ESRRG: variants seen among roughly 807,000 people sequenced by gnomAD.
The protein encoded by ESRRG is estrogen-related receptor gamma.
ESRRG carries 13 observed loss-of-function variants against 44.0 expected under a neutral mutation model. The ratio of observed to expected loss-of-function variants is 0.30; its 90% CI spans 0.19 to 0.47. The LOEUF (loss-of-function observed/expected upper bound fraction) is 0.47. Ranked by LOEUF, ESRRG falls within the 20% of genes least tolerant of loss-of-function variation. ESRRG has a pLI of 1.00. For missense variants in ESRRG, 395 were observed against 580.6 expected, an observed-to-expected ratio of 0.68 and a Z score of 3.29; for synonymous variants, 215 against 214.6, an observed-to-expected ratio of 1.00 and a Z score of -0.02.
intron 2 of ESRRG, among the ~76,000 whole-genome samples, chr1:216,845,058 ATTACC>A (rs2095719142): frequency 1.3e-5 from 2 of 152,064 alleles, no homozygotes; most frequent in South Asian, 4.1e-4. Context: ...CCTCTCCCTT[ATTACC>A]TTGTTTTATT....
intron 1 of ESRRG, among the ~76,000 whole-genome samples, chr1:216,984,386 T>C (rs1026774129): frequency 4.6e-5 from 7 of 152,228 alleles, no homozygotes; most frequent in Admixed American, 2.0e-4. Flanking sequence ...AAGGGTATTT[T>C]GGCAAAGGCT....
chr1:216,651,459 A>G (rs1296735393), intron 2 of ESRRG, among the ~76,000 whole-genome samples: 2 of 152,326 alleles, frequency 1.3e-5, no homozygotes, highest in East Asian at 3.9e-4. Flanking sequence ...TGGATTGTCA[A>G]TCCTGGATTT....
At chr1:216,693,650 A>G (rs1011100396) in intron 1 of ESRRG, among the ~76,000 whole-genome samples, 1 of 152,334 alleles carries the variant, frequency 6.6e-6, no homozygotes, top group Admixed American at 6.5e-5. Context: ...TAGTTGTTAT[A>G]CTGTATTGTT....
intron 1 of ESRRG, among the ~76,000 whole-genome samples, chr1:217,133,605 T>TTTTCTTTCTTTCTTTC (rs750071673): frequency 2.0e-4 from 20 of 98,412 alleles, no homozygotes; most frequent in South Asian, 8.2e-4. Flanking sequence ...TGTTTTCCTT[T>TTTTCTTTCTTTCTTTC]TTTCTTTCTT....
At chr1:216,995,950 G>A (rs2076320328) in intron 1 of ESRRG, among the ~76,000 whole-genome samples, 1 of 152,094 alleles carries the variant, frequency 6.6e-6, no homozygotes, top group African/African-American at 2.4e-5. Context: ...AGAGTGAGCT[G>A]TAATCTCCAC....
intron 1 of ESRRG, among the ~76,000 whole-genome samples, chr1:217,119,224 G>A (rs995909916): frequency 1.3e-5 from 2 of 152,174 alleles, no homozygotes; most frequent in Admixed American, 1.3e-4. Flanking sequence ...ATTTTAAGGT[G>A]TCCACATCCC....
intron 1 of ESRRG, among the ~76,000 whole-genome samples, chr1:217,053,979 T>C (rs537626840): frequency 2.7e-4 from 41 of 152,062 alleles, no homozygotes; most frequent in African/African-American, 9.4e-4. Context: ...CGTGGCGTTC[T>C]TTACAAAGCT....
intron 5 of ESRRG, among the ~76,000 whole-genome samples, chr1:216,558,360 C>T (rs1404169090): frequency 1.3e-5 from 2 of 152,230 alleles, no homozygotes; most frequent in South Asian, 4.1e-4. Flanking sequence ...TGGACTAAAT[C>T]GTTTAGACGC....
chr1:217,130,913 C>T (rs1003551246), intron 1 of ESRRG, among the ~76,000 whole-genome samples: 6 of 151,736 alleles, frequency 4.0e-5, no homozygotes, highest in East Asian at 1.9e-4. Flanking sequence ...ACTATTAAGA[C>T]GTTAGCAATA....
chr1:216,817,978 A>C (rs1251077128), intron 2 of ESRRG, among the ~76,000 whole-genome samples: 1 of 152,148 alleles, frequency 6.6e-6, no homozygotes, highest in African/African-American at 2.4e-5. Flanking sequence ...GATTTAAATA[A>C]GTTGTCTCCT....
chr1:216,960,244 A>G (rs1016287352), intron 1 of ESRRG, among the ~76,000 whole-genome samples: 3 of 152,156 alleles, frequency 2.0e-5, no homozygotes, highest in Non-Finnish European at 4.4e-5. Flanking sequence ...CATGTATATC[A>G]TATATGTAGG....
intron 3 of ESRRG, among the ~76,000 whole-genome samples, chr1:216,624,718 G>A (rs1574314582): frequency 6.6e-6 from 1 of 152,116 alleles, no homozygotes; most frequent in African/African-American, 2.4e-5. Context: ...CCAAATTCAA[G>A]CTTCAAATTT....
intron 1 of ESRRG, chr1:216,959,461 T>C (rs1355536516): frequency 4.0e-5 from 6 of 151,748 alleles, no homozygotes; most frequent in African/African-American, 1.5e-4. Flanking sequence ...GGAAGCCAAG[T>C]CAGGAAGATC....
intron 1 of ESRRG, among the ~76,000 whole-genome samples, chr1:217,081,218 A>ATTTTTTTT (rs1454943896): frequency 3.4e-4 from 11 of 32,710 alleles, no homozygotes; most frequent in African/African-American, 5.1e-4. Context: ...AGATAAAAAT[A>ATTTTTTTT]TTCTTTTTTT....
intron 3 of ESRRG, among the ~76,000 whole-genome samples, chr1:216,604,591 C>G (rs549271334): frequency 7.2e-5 from 11 of 152,260 alleles, no homozygotes; most frequent in African/African-American, 1.4e-4. Context: ...TAATAAGGGG[C>G]ATATAGGCTT....
intron 2 of ESRRG, among the ~76,000 whole-genome samples, chr1:216,857,199 T>C (rs1218065938): frequency 1.3e-5 from 2 of 152,016 alleles, no homozygotes; most frequent in East Asian, 1.9e-4. Flanking sequence ...GTGTCTGCTA[T>C]TGTTCACATG....
chr1:216,526,082 C>T (rs537160872), intron 5 of ESRRG, among the ~76,000 whole-genome samples: 3 of 152,046 alleles, frequency 2.0e-5, no homozygotes, highest in East Asian at 3.9e-4. Context: ...AATAAATGCC[C>T]GTAAGATAAA....
chr1:216,617,200 A>G (rs1574176983), intron 3 of ESRRG, among the ~76,000 whole-genome samples: 1 of 152,166 alleles, frequency 6.6e-6, no homozygotes, highest in East Asian at 1.9e-4. Context: ...TAACTTCTCA[A>G]GCAACAGAAC....
chr1:216,631,372 GTAAA>G (rs1438790351), intron 3 of ESRRG, among the ~76,000 whole-genome samples: 1 of 152,152 alleles, frequency 6.6e-6, no homozygotes, highest in East Asian at 1.9e-4. Flanking sequence ...TATTATCTTG[GTAAA>G]TAGTGTTTGT....
Sources: allele counts gnomAD v4.1 joint callset (sites outside exome capture counted in the v4.1 genomes callset), GRCh38; gene constraint gnomAD v4.1.1; transcripts MANE v1.5; gene names NCBI Gene and HGNC (gene_info 2026-07-23, HGNC 2026-07-21).